IFT57: variants seen among roughly 807,000 people sequenced by gnomAD.
The protein encoded by IFT57 is intraflagellar transport protein 57 homolog.
Under a neutral mutation model 56.8 loss-of-function variants are expected in IFT57, and 59 were observed. The observed-to-expected ratio is 1.04, with a 90% CI of 0.84 to 1.29. The LOEUF is 1.29. Ranked by LOEUF, IFT57 falls within the 50% of genes most tolerant of loss-of-function variation. The pLI is 0.00. For synonymous variants in IFT57, 209 were observed against 186.1 expected (o/e 1.12, Z -1.00); for missense variants, 470 against 522.1 (o/e 0.90, Z 0.97).
At chr3:108,196,783 A>G (rs1200845801) in intron 5 of IFT57, among the ~76,000 whole-genome samples, 1 of 152,208 alleles carries the variant, frequency 6.6e-6, no homozygotes, top group African/African-American at 2.4e-5. Flanking sequence ...GCATTAACTT[A>G]TTCAAACTAT....
intron 6 of IFT57, among the ~76,000 whole-genome samples, chr3:108,178,192 A>T (rs1214680244): frequency 6.6e-6 from 1 of 151,900 alleles, no homozygotes; most frequent in African/African-American, 2.4e-5. Flanking sequence ...TGAAAGAATA[A>T]CCTTTTCAGT....
chr3:108,189,202 T>A (rs929979181), intron 6 of IFT57, among the ~76,000 whole-genome samples: 2 of 152,212 alleles, frequency 1.3e-5, no homozygotes, highest in East Asian at 3.8e-4. Flanking sequence ...TCACCTGCAA[T>A]GCAATCAATT....
At chr3:108,181,342 T>TA (rs2080150374) in intron 6 of IFT57, among the ~76,000 whole-genome samples, 3 of 152,090 alleles carry the variant, frequency 2.0e-5, no homozygotes, top group Non-Finnish European at 2.9e-5. Flanking sequence ...ACAACTCTGA[T>TA]ACCTGTCCAG....
chr3:108,166,086 G>T (rs1352775678), intron 8 of IFT57, among the ~76,000 whole-genome samples: 1 of 152,042 alleles, frequency 6.6e-6, no homozygotes, highest in African/African-American at 2.4e-5. Context: ...ACATCAAAAA[G>T]TGTAGATTTC....
intron 6 of IFT57, among the ~76,000 whole-genome samples, chr3:108,181,614 C>T (rs2080151467): frequency 6.6e-6 from 1 of 152,088 alleles, no homozygotes; most frequent in African/African-American, 2.4e-5. Context: ...TAGCATTCAC[C>T]TCTTTTTGAT....
At chr3:108,199,937 G>A (rs2080268489) in intron 5 of IFT57, among the ~76,000 whole-genome samples, 1 of 152,186 alleles carries the variant, frequency 6.6e-6, no homozygotes. Context: ...ATAGGAAAGA[G>A]AAGCATTGGA....
chr3:108,190,941 T>C (rs12152366), intron 6 of IFT57, among the ~76,000 whole-genome samples: 14,639 of 152,030 alleles, frequency 0.096, 766 homozygotes, highest in Middle Eastern at 0.12. Flanking sequence ...TACAGGCACG[T>C]GCCACCATGC....
At position 108,218,611 on chromosome 3, in the gene IFT57, A is replaced by T; in HGVS notation, c.418T>A (p.Tyr140Asn). ...DFPPSKLKSGYGEHVCYVLDC... is the reference protein window; with the variant it reads ...DFPPSKLKSGNGEHVCYVLDC... ...AGAACATAGCATACATGTTCTCCATAACCTGACTTTAATTTTGAAGGAGGA... is the reference window on the plus strand; with the variant it reads ...AGAACATAGCATACATGTTCTCCATTACCTGACTTTAATTTTGAAGGAGGA... Residue 140 changes from tyrosine (Y) to asparagine (N), a missense_variant, in exon 3 of 11, where the codon TAT (tyrosine) becomes AAT (asparagine). Coordinates refer to ENST00000264538, the MANE Select transcript of IFT57 (RefSeq NM_018010.4). The T allele has an allele frequency of 6.5e-7, 1 of 1,547,350 alleles. No individual in the cohort carries two copies. Among genetic ancestry groups the T allele is most frequent in the South Asian group, 1.2e-5 (1 of 80,056 alleles).
Position 108,201,819 on chromosome 3 carries a change from CTT to C in IFT57, c.654+4807_654+4808del, listed in dbSNP as rs757972408. Among the ~76,000 whole-genome samples, 9 of 152,284 alleles carry C rather than the reference CTT, an allele frequency of 5.9e-5. No homozygotes were observed. The East Asian group carries it at 1.5e-3, about 26-fold the overall frequency. On this transcript the variant is annotated intron_variant, in intron 5 of 10. Transcript: ENST00000264538. ...CAAAAAAGATCCATCTTCTTCCTCT[CTT>C]TGATTACAATACTGCAGTTTTGCCT... is the stretch of plus-strand genomic sequence containing the variant.
chr3:108,185,158 A>G (rs1164953047), intron 6 of IFT57, among the ~76,000 whole-genome samples: 1 of 152,188 alleles, frequency 6.6e-6, no homozygotes, highest in African/African-American at 2.4e-5. Flanking sequence ...TTTTTCTCTT[A>G]TACTGAAAAT....
chr3:108,170,038 TATC>T (rs2080084631), intron 6 of IFT57, among the ~76,000 whole-genome samples: 2 of 152,054 alleles, frequency 1.3e-5, no homozygotes, highest in South Asian at 2.1e-4. Context: ...CCATAGCCAA[TATC>T]ATACTGAATG....
chr3:108,199,938 A>T (rs536850738), intron 5 of IFT57, among the ~76,000 whole-genome samples: 1 of 152,284 alleles, frequency 6.6e-6, no homozygotes, highest in Admixed American at 6.5e-5. Context: ...TAGGAAAGAG[A>T]AGCATTGGAT....
intron 5 of IFT57, among the ~76,000 whole-genome samples, chr3:108,195,798 T>G (rs1433752518): frequency 6.6e-6 from 1 of 152,082 alleles, no homozygotes; most frequent in Non-Finnish European, 1.5e-5. Context: ...GAGAGTAGAA[T>G]GATGGTTACC....
Sources: allele counts gnomAD v4.1 joint callset (sites outside exome capture counted in the v4.1 genomes callset), GRCh38; gene constraint gnomAD v4.1.1; transcripts MANE v1.5; gene names NCBI Gene and HGNC (gene_info 2026-07-23, HGNC 2026-07-21).